The following RTN1 variants were observed in gnomAD, a reference collection of about 807,000 sequenced individuals.
The protein encoded by RTN1 is reticulon-1.
In RTN1, 25 loss-of-function variants were observed where a neutral mutation model predicts 65.5. The ratio of observed to expected loss-of-function variants is 0.38; its 90% CI spans 0.28 to 0.53. The LOEUF is 0.53. Ranked by LOEUF, RTN1 falls within the 20% of genes least tolerant of loss-of-function variation. The pLI is 0.79. For synonymous variants in RTN1, 471 were observed against 447.6 expected (o/e 1.05, Z -0.66); for missense variants, 983 against 1,025.4 (o/e 0.96, Z 0.57).
At chr14:59,665,717 C>T (rs1183924478) in intron 3 of RTN1, among the ~76,000 whole-genome samples, 2 of 152,022 alleles carry the variant, frequency 1.3e-5, no homozygotes, top group African/African-American at 4.8e-5. Flanking sequence ...CAAAGACACA[C>T]ATAAGCTTAA....
rs1887221098 is a variant in RTN1 at position 59,836,864 on chromosome 14, T to C, written c.241+33526A>G. On this transcript the variant is annotated intron_variant, in intron 1 of 8. Coordinates refer to ENST00000267484, the MANE Select transcript of RTN1 (RefSeq NM_021136.3). The surrounding 1 kb of genome is among the most constrained non-coding windows in gnomAD (Gnocchi z 4.9). ...GAAGAGGGAGAAATTACAGAACCTA[T>C]GTTATAAAAGCTGTCAAACTCTTCT... 6.6e-6 allele frequency among the ~76,000 whole-genome samples: 1 copy of C among 152,174 alleles called. No individual in the cohort carries two copies. Among genetic ancestry groups the C allele is most frequent in the African/African-American group, 2.4e-5 (1 of 41,432 alleles).
At position 59,653,960 on chromosome 14, in the gene RTN1, A is replaced by G. The variant is rs1190379045; in HGVS notation, c.1766-46468T>C. On this transcript the variant is annotated intron_variant, in intron 3 of 8. Transcript: ENST00000267484. Reference sequence around the variant, plus strand: ...GTCACCCAGGCTGGAGTGCAGTGGCACAATATCGGCTCACTGCAGTGGTAC... The same window carrying G: ...GTCACCCAGGCTGGAGTGCAGTGGCGCAATATCGGCTCACTGCAGTGGTAC... Among the ~76,000 whole-genome samples the G allele has an allele frequency of 4.6e-5, 7 of 152,216 alleles. No individual in the cohort carries two copies. The East Asian group carries it at 1.4e-3, about 29-fold the overall frequency.
At chr14:59,797,364 T>G (rs1199902420) in intron 1 of RTN1, among the ~76,000 whole-genome samples, 1 of 152,156 alleles carries the variant, frequency 6.6e-6, no homozygotes, top group African/African-American at 2.4e-5. Flanking sequence ...CTATGCCAAT[T>G]AAAAGATCAG....
intron 3 of RTN1, among the ~76,000 whole-genome samples, chr14:59,699,719 T>C (rs1884140889): frequency 1.3e-5 from 2 of 152,114 alleles, no homozygotes; most frequent in South Asian, 2.1e-4. Flanking sequence ...AACTAAAATT[T>C]CAAGGAGGCG....
At chr14:59,610,050 G>A in intron 3 of RTN1, 1 of 744,198 alleles carries the variant, frequency 1.3e-6, no homozygotes, top group Non-Finnish European at 2.5e-6. Flanking sequence ...AGCCTGAAAG[G>A]AGTTTTCAGA....
At chr14:59,699,048 A>C (rs1884124138) in intron 3 of RTN1, among the ~76,000 whole-genome samples, 2 of 152,232 alleles carry the variant, frequency 1.3e-5, no homozygotes, top group South Asian at 4.2e-4. Flanking sequence ...TTCCAGCTGG[A>C]AGCTTGTTGT....
At position 59,749,146 on chromosome 14, in the gene RTN1, CTATCTATCTA is replaced by C. The variant is rs1167574990; in HGVS notation, c.242-2675_242-2666del. The stretch of plus-strand genomic sequence containing the variant: ...TATAGATATATCTATATCTATCTAT[CTATCTATCTA>C]TATCTATCTATATATCTATCTATAT... On this transcript the variant is annotated intron_variant, in intron 1 of 8. Transcript: ENST00000267484. Among the ~76,000 whole-genome samples the C allele has an allele frequency of 3.7e-5, 4 of 108,840 alleles. 1 individual carries two copies. Among genetic ancestry groups the C allele is most frequent in the Non-Finnish European group, 6.8e-5 (4 of 59,082 alleles). The allele number at this position is 108,840 out of a possible 152,430, so 71.4% of individuals were successfully genotyped here. A position where few individuals can be genotyped will look rare whatever the true frequency, so the allele number is the denominator to read the frequency against.
intron 1 of RTN1, among the ~76,000 whole-genome samples, chr14:59,797,593 G>T (rs984473895): frequency 2.0e-5 from 3 of 152,172 alleles, no homozygotes; most frequent in Non-Finnish European, 4.4e-5. Context: ...CTACATGGCA[G>T]GACATTGGTG....
At position 59,792,023 on chromosome 14, in the gene RTN1, G is replaced by A. The variant is rs140461011; in HGVS notation, c.242-45542C>T. Among the ~76,000 whole-genome samples, 137 of 152,222 alleles carry A rather than the reference G, an allele frequency of 9.0e-4. 1 individual carries two copies. Among genetic ancestry groups the A allele is most frequent in the African/African-American group, 3.2e-3 (132 of 41,558 alleles). ...TCCTGCCCCCTCCCCTGCCTCAGTA[G>A]AGCAGAATGTAAGAGATTGGAATTA... On this transcript the variant is annotated intron_variant, in intron 1 of 8. Coordinates refer to ENST00000267484, the MANE Select transcript of RTN1 (RefSeq NM_021136.3).
chr14:59,744,057 T>A (rs879362430), intron 2 of RTN1, among the ~76,000 whole-genome samples: 6 of 152,178 alleles, frequency 3.9e-5, no homozygotes, highest in Admixed American at 6.5e-5. Flanking sequence ...TATGGTTGAA[T>A]GAGTCTGAAG....
intron 3 of RTN1, among the ~76,000 whole-genome samples, chr14:59,682,680 T>A (rs933236136): frequency 6.6e-6 from 1 of 152,168 alleles, no homozygotes; most frequent in African/African-American, 2.4e-5. Context: ...ACAGAAACAA[T>A]TGTCTCTAGG....
At chr14:59,717,661 G>C (rs1884565108) in intron 3 of RTN1, among the ~76,000 whole-genome samples, 1 of 152,214 alleles carries the variant, frequency 6.6e-6, no homozygotes, top group South Asian at 2.1e-4. Flanking sequence ...GCAAGACCAG[G>C]CTGTGTTTAC....
chr14:59,634,085 G>A (rs981636607), intron 3 of RTN1, among the ~76,000 whole-genome samples: 2 of 152,162 alleles, frequency 1.3e-5, no homozygotes, highest in Admixed American at 6.5e-5. Context: ...GTAGACAAGT[G>A]TATGGGAAAA....
intron 2 of RTN1, among the ~76,000 whole-genome samples, chr14:59,729,559 C>T (rs778258321): frequency 2.6e-5 from 4 of 152,144 alleles, no homozygotes; most frequent in Non-Finnish European, 5.9e-5. Flanking sequence ...GAAAGTTTCA[C>T]CAGCTTACTT....
At chr14:59,863,819 C>T (rs1183008066) in intron 1 of RTN1, among the ~76,000 whole-genome samples, 2 of 152,210 alleles carry the variant, frequency 1.3e-5, no homozygotes. Context: ...CAGCTAATAA[C>T]AACTTCATTC....
intron 1 of RTN1, among the ~76,000 whole-genome samples, chr14:59,768,480 T>G (rs993671551): frequency 2.3e-4 from 35 of 152,174 alleles, no homozygotes; most frequent in African/African-American, 8.0e-4. Context: ...GTGACTCTAC[T>G]CCTAGAATGT....
intron 1 of RTN1, among the ~76,000 whole-genome samples, chr14:59,750,211 T>TAC (rs1566713334): frequency 3.7e-5 from 1 of 26,782 alleles, no homozygotes; most frequent in Non-Finnish European, 5.9e-5. Context: ...TAATATATAA[T>TAC]ATATATATTA....
chr14:59,724,616 G>A (rs1006991304), intron 3 of RTN1, among the ~76,000 whole-genome samples: 7 of 152,044 alleles, frequency 4.6e-5, no homozygotes, highest in African/African-American at 1.4e-4. Flanking sequence ...TGTAATCCCA[G>A]CACTTTGGGA....
intron 2 of RTN1, among the ~76,000 whole-genome samples, chr14:59,744,726 C>T (rs10150849): frequency 0.37 from 56,056 of 151,932 alleles, 10,497 homozygotes; most frequent in Middle Eastern, 0.45. Flanking sequence ...TGTGCCATCC[C>T]TAAAAGATCC....
Sources: allele counts gnomAD v4.1 joint callset (sites outside exome capture counted in the v4.1 genomes callset), GRCh38; gene constraint gnomAD v4.1.1; non-coding constraint Gnocchi (gnomAD v3.1); transcripts MANE v1.5; gene names NCBI Gene and HGNC (gene_info 2026-07-23, HGNC 2026-07-21).